The following PALM2AKAP2 variants were observed in gnomAD, a reference collection of about 807,000 sequenced individuals.
The protein encoded by PALM2AKAP2 is PALM2 and AKAP2 fusion.
PALM2AKAP2 carries 37 observed loss-of-function variants against 71.5 expected under a neutral mutation model. The ratio of observed to expected loss-of-function variants is 0.52; its 90% CI spans 0.40 to 0.68. The LOEUF (loss-of-function observed/expected upper bound fraction) is 0.68. Ranked by LOEUF, PALM2AKAP2 falls within the 30% of genes least tolerant of loss-of-function variation. The pLI is 0.00. For synonymous variants in PALM2AKAP2, 468 were observed against 478.8 expected (o/e 0.98, Z 0.29); for missense variants, 1,224 against 1,191.8 (o/e 1.03, Z -0.40).
intron 6 of PALM2AKAP2, among the ~76,000 whole-genome samples, chr9:110,013,123 G>A (rs532677624): frequency 6.6e-6 from 1 of 152,152 alleles, no homozygotes; most frequent in African/African-American, 2.4e-5. Flanking sequence ...ATCCAGATCT[G>A]CTCCCCAGGA....
intron 1 of PALM2AKAP2, among the ~76,000 whole-genome samples, chr9:109,684,122 G>T (rs945926104): frequency 2.6e-5 from 4 of 152,222 alleles, no homozygotes; most frequent in Middle Eastern, 3.4e-3. Flanking sequence ...CTGATGAATG[G>T]CATATGTGCT....
intron 2 of PALM2AKAP2, 111 bp downstream of exon 8, chr9:110,138,650 T>C: frequency 1.4e-6 from 2 of 1,437,828 alleles, no homozygotes; most frequent in African/African-American, 2.9e-5. Flanking sequence ...GGAATAAGTG[T>C]TGGGGGGACA....
chr9:110,091,669 A>G (rs532361100), intron 1 of PALM2AKAP2, among the ~76,000 whole-genome samples: 39 of 151,952 alleles, frequency 2.6e-4, no homozygotes, highest in Middle Eastern at 3.4e-3. Context: ...TCACCGTGTT[A>G]GCCAGGATGG....
At chr9:110,026,768 G>A (rs1210176228) in intron 7 of PALM2AKAP2, among the ~76,000 whole-genome samples, 2 of 152,154 alleles carry the variant, frequency 1.3e-5, no homozygotes, top group Non-Finnish European at 2.9e-5. Context: ...GTAAGGCCAG[G>A]CGTGGTGGCT....
chr9:109,753,499 C>A (rs959001030), intron 1 of PALM2AKAP2, among the ~76,000 whole-genome samples: 3 of 152,270 alleles, frequency 2.0e-5, no homozygotes, highest in Admixed American at 1.3e-4. Context: ...ACAAAACAGG[C>A]TTTTCTGCGC....
chr9:110,034,083 C>A (rs1292820860), intron 7 of PALM2AKAP2, among the ~76,000 whole-genome samples: 1 of 152,180 alleles, frequency 6.6e-6, no homozygotes, highest in Admixed American at 6.5e-5. Flanking sequence ...TTAGCATAGT[C>A]CCCTAACCAC....
At chr9:109,780,397 AAAGCCCCCCGGGG>A, upstream of PALM2AKAP2, 1 of 1,608,614 alleles carries the variant, frequency 6.2e-7, no homozygotes, top group African/African-American at 1.3e-5. Flanking sequence ...GGGTTCTAGC[AAAGCCCCCCGGGG>A]TGCCCATCAG....
Position 109,978,966 on chromosome 9 carries a change from A to G in PALM2AKAP2, c.497-36988A>G, listed in dbSNP as rs555861259. The stretch of plus-strand genomic sequence containing the variant: ...CCCTGTTTCCCTTTCTGTCTTCTCC[A>G]CAAGCCTCTCTGCTCCAGGCCTTCT... On this transcript the variant is annotated intron_variant, in intron 6 of 9. Transcript: ENST00000302798. Among the ~76,000 whole-genome samples, 50 of 150,492 alleles carry G rather than the reference A, an allele frequency of 3.3e-4. 1 individual carries two copies. Among genetic ancestry groups the G allele is most frequent in the Admixed American group, 7.3e-4 (11 of 15,160 alleles).
chr9:110,133,490 C>T (rs757894639), intron 1 of PALM2AKAP2, among the ~76,000 whole-genome samples: 3 of 152,178 alleles, frequency 2.0e-5, no homozygotes, highest in East Asian at 1.9e-4. Context: ...GTTTAATGAA[C>T]GGATTAATTA....
At chr9:109,700,394 C>T (rs759636026) in intron 1 of PALM2AKAP2, among the ~76,000 whole-genome samples, 8 of 152,272 alleles carry the variant, frequency 5.3e-5, no homozygotes, top group Middle Eastern at 3.4e-3. Flanking sequence ...CTTCGCCTTC[C>T]GCCATGATTT....
intron 1 of PALM2AKAP2, among the ~76,000 whole-genome samples, chr9:110,134,701 C>A (rs1056810971): frequency 6.6e-6 from 1 of 152,144 alleles, no homozygotes; most frequent in Admixed American, 6.5e-5. Flanking sequence ...TCCTGAGAAT[C>A]GTCCTAAGGT....
rs369898741 is a variant in PALM2AKAP2 at position 109,996,909 on chromosome 9, C to A, written c.497-19045C>A. Among the ~76,000 whole-genome samples, 20 of 152,302 alleles carry A rather than the reference C, an allele frequency of 1.3e-4. No homozygotes were observed. The East Asian group carries it at 2.3e-3, about 18-fold the overall frequency. ...ATGTGTGTACATAAGAACATATGGG[C>A]CAGGTGTGGTAGTTCACGCCTGTAA... is the stretch of plus-strand genomic sequence containing the variant. On this transcript the variant is annotated intron_variant, in intron 6 of 9. Coordinates refer to the PALM2AKAP2 transcript ENST00000302798.
At chr9:109,725,596 CATTAAGAG>C (rs776625804) in intron 1 of PALM2AKAP2, among the ~76,000 whole-genome samples, 1 of 152,070 alleles carries the variant, frequency 6.6e-6, no homozygotes. Flanking sequence ...TGTAAACTAT[CATTAAGAG>C]ATTGGTTAAA....
At chr9:109,800,132 C>G (rs151145071) in intron 1 of PALM2AKAP2, among the ~76,000 whole-genome samples, 2 of 152,302 alleles carry the variant, frequency 1.3e-5, no homozygotes, top group Non-Finnish European at 2.9e-5. Flanking sequence ...CAGCACCTCC[C>G]ATGTGCCAGT....
upstream of PALM2AKAP2, among the ~76,000 whole-genome samples, chr9:109,778,878 C>T (rs1475450215): frequency 6.6e-6 from 1 of 151,324 alleles, no homozygotes; most frequent in Non-Finnish European, 1.5e-5. Flanking sequence ...CAGTGATTCT[C>T]CTGCCTCGGC....
intron 1 of PALM2AKAP2, among the ~76,000 whole-genome samples, chr9:109,854,620 G>T (rs180825131): frequency 2.3e-3 from 357 of 152,282 alleles, no homozygotes; most frequent in African/African-American, 8.1e-3. Flanking sequence ...AACCTATGTT[G>T]ATATTTAGCA....
chr9:110,024,198 T>G (rs1418373606), intron 7 of PALM2AKAP2, among the ~76,000 whole-genome samples: 1 of 152,118 alleles, frequency 6.6e-6, no homozygotes, highest in Non-Finnish European at 1.5e-5. Context: ...CATCACACAA[T>G]CCAGTTTTAG....
intron 1 of PALM2AKAP2, among the ~76,000 whole-genome samples, chr9:109,802,824 G>C (rs752943675): frequency 6.6e-6 from 1 of 152,252 alleles, no homozygotes; most frequent in African/African-American, 2.4e-5. Context: ...ATGGGAGGAA[G>C]AGCGTAAATT....
chr9:110,072,052 C>T (rs1460386102), intron 1 of PALM2AKAP2, among the ~76,000 whole-genome samples: 1 of 152,130 alleles, frequency 6.6e-6, no homozygotes, highest in Non-Finnish European at 1.5e-5. Flanking sequence ...TCCAATTTTT[C>T]CTTCCCAAAA....
Sources: allele counts gnomAD v4.1 joint callset (sites outside exome capture counted in the v4.1 genomes callset), GRCh38; gene constraint gnomAD v4.1.1; transcripts MANE v1.5; gene names NCBI Gene and HGNC (gene_info 2026-07-23, HGNC 2026-07-21).